The following CPQ variants were observed in gnomAD, a reference collection of about 807,000 sequenced individuals.
CPQ encodes the protein Ser-Met dipeptidase.
Under a neutral mutation model 45.7 loss-of-function variants are expected in CPQ, and 37 were observed. That is an observed-to-expected ratio of 0.81 (90% confidence interval 0.62 to 1.07). The LOEUF is 1.07. CPQ is among the 50% of genes least tolerant of loss of function. The probability of loss-of-function intolerance (pLI) is 0.00; values close to 1 mark genes in which losing one functional copy is unlikely to be tolerated. For missense variants in CPQ, 537 were observed against 572.9 expected, an observed-to-expected ratio of 0.94 and a Z score of 0.64; for synonymous variants, 186 against 205.8, an observed-to-expected ratio of 0.90 and a Z score of 0.82.
At chr8:96,817,873 C>A (rs1486177671) in intron 2 of CPQ, among the ~76,000 whole-genome samples, 1 of 152,030 alleles carries the variant, frequency 6.6e-6, no homozygotes, top group African/African-American at 2.4e-5. Context: ...CCTTGGCTTC[C>A]CAAATTGCTG....
At chr8:96,732,735 G>C (rs1324054711) in intron 1 of CPQ, among the ~76,000 whole-genome samples, 4 of 152,218 alleles carry the variant, frequency 2.6e-5, no homozygotes, top group South Asian at 2.1e-4. Context: ...TGTCTATACT[G>C]CTGCCTCTTT....
rs1182362136 is a variant in CPQ at position 97,123,177 on chromosome 8, T to TATAAA, written c.1256-19816_1256-19812dup. On this transcript the variant is annotated intron_variant, in intron 7 of 7. Coordinates refer to ENST00000220763, the MANE Select transcript of CPQ (RefSeq NM_016134.4). ...TAAAATAAAATAAAATAAAATAAAA[T>TATAAA]ATAAAATAAAATAAAATAAAATAAA... Among the ~76,000 whole-genome samples the TATAAA allele has an allele frequency of 3.2e-3, 77 of 23,748 alleles. 2 individuals carry two copies. The highest frequency in any genetic ancestry group is 4.5e-3 in the Non-Finnish European group (55 of 12,250). 15.6% of individuals were successfully genotyped at this position (23,748 alleles called of 152,430 possible).
At chr8:96,874,610 T>C (rs1321220567) in intron 3 of CPQ, among the ~76,000 whole-genome samples, 1 of 151,868 alleles carries the variant, frequency 6.6e-6, no homozygotes, top group Non-Finnish European at 1.5e-5. Flanking sequence ...CTTTTTTGAC[T>C]AGCTTCTTTC....
chr8:97,116,204 T>C (rs1438671054), intron 7 of CPQ, among the ~76,000 whole-genome samples: 1 of 152,210 alleles, frequency 6.6e-6, no homozygotes, highest in Non-Finnish European at 1.5e-5. Context: ...TTACAGGTTA[T>C]TGGTGGCCTG....
intron 6 of CPQ, 126 bp from the exon 7 acceptor site, chr8:97,065,883 C>T: frequency 3.5e-6 from 3 of 864,330 alleles, no homozygotes; most frequent in Non-Finnish European, 5.5e-6. Context: ...TTAAGTCAGG[C>T]ACAGCAACAT....
chr8:96,830,895 AAAT>A (rs1356163477), intron 2 of CPQ, among the ~76,000 whole-genome samples: 1 of 152,184 alleles, frequency 6.6e-6, no homozygotes, highest in African/African-American at 2.4e-5. Context: ...TACATTTGTG[AAAT>A]AATATAACAA....
At chr8:96,905,237 C>A (rs764546826) in intron 4 of CPQ, among the ~76,000 whole-genome samples, 1 of 152,084 alleles carries the variant, frequency 6.6e-6, no homozygotes, top group Non-Finnish European at 1.5e-5. Flanking sequence ...CACTCACTAT[C>A]ATGAGAATAA....
intron 5 of CPQ, among the ~76,000 whole-genome samples, chr8:97,023,884 T>C (rs1408215340): frequency 6.6e-6 from 1 of 152,216 alleles, no homozygotes; most frequent in Non-Finnish European, 1.5e-5. Flanking sequence ...CATAGCTGGA[T>C]CTGTCTGTGA....
chr8:97,142,926 T>A, intron 7 of CPQ, 94 bp from the exon 8 acceptor site: 2 of 1,213,048 alleles, frequency 1.6e-6, no homozygotes, highest in Non-Finnish European at 1.2e-6. Context: ...GCAGACTGTA[T>A]AATAGGAGCA....
intron 1 of CPQ, among the ~76,000 whole-genome samples, chr8:96,717,832 C>G (rs547414262): frequency 1.9e-4 from 29 of 152,304 alleles, no homozygotes; most frequent in Middle Eastern, 6.8e-3. Flanking sequence ...TCTCTAGCTG[C>G]TGGGGTAATG....
At chr8:96,902,245 T>G (rs1002650540) in intron 4 of CPQ, among the ~76,000 whole-genome samples, 2 of 152,196 alleles carry the variant, frequency 1.3e-5, no homozygotes, top group Non-Finnish European at 2.9e-5. Context: ...ATTTTATATA[T>G]GTAAGTCGTA....
chr8:96,893,021 A>G (rs183170665), intron 4 of CPQ, among the ~76,000 whole-genome samples: 2 of 152,342 alleles, frequency 1.3e-5, no homozygotes, highest in East Asian at 3.9e-4. Flanking sequence ...CTCATACATT[A>G]TCTCCTTTAA....
intron 5 of CPQ, among the ~76,000 whole-genome samples, chr8:96,972,771 C>T (rs1813701091): frequency 6.6e-6 from 1 of 152,104 alleles, no homozygotes. Flanking sequence ...GTGGCTAGAC[C>T]CAGAAGAGCA....
chr8:97,075,468 T>G (rs964655802), intron 7 of CPQ, among the ~76,000 whole-genome samples: 1 of 152,170 alleles, frequency 6.6e-6, no homozygotes, highest in African/African-American at 2.4e-5. Context: ...AAAAATGAGA[T>G]ATGGACCCTT....
At chr8:97,042,229 G>C (rs1017631284) in intron 6 of CPQ, among the ~76,000 whole-genome samples, 6 of 147,284 alleles carry the variant, frequency 4.1e-5, no homozygotes, top group South Asian at 2.2e-4. Context: ...TGTATGTGTC[G>C]AGGAATTTAT....
intron 1 of CPQ, among the ~76,000 whole-genome samples, chr8:96,646,766 A>G (rs1331558032): frequency 1.3e-5 from 2 of 152,222 alleles, no homozygotes; most frequent in African/African-American, 4.8e-5. Context: ...TATCAGGGTT[A>G]GAAGGTGAAA....
chr8:96,973,743 A>G (rs1037886562), intron 5 of CPQ, among the ~76,000 whole-genome samples: 1 of 152,244 alleles, frequency 6.6e-6, no homozygotes. Context: ...AACAATTATC[A>G]GCCAAGAATT....
At chr8:97,134,453 AG>A (rs1361108728) in intron 7 of CPQ, among the ~76,000 whole-genome samples, 6 of 152,346 alleles carry the variant, frequency 3.9e-5, no homozygotes, top group African/African-American at 1.4e-4. Context: ...AGGCCTGCAG[AG>A]TGTGGCCCGG....
intron 1 of CPQ, among the ~76,000 whole-genome samples, chr8:96,697,103 G>GCT (rs1221010075): frequency 6.6e-6 from 1 of 152,076 alleles, no homozygotes; most frequent in Non-Finnish European, 1.5e-5. Context: ...TCTCCCTAAT[G>GCT]AACACTGATG....
Sources: allele counts gnomAD v4.1 joint callset (sites outside exome capture counted in the v4.1 genomes callset), GRCh38; gene constraint gnomAD v4.1.1; transcripts MANE v1.5; gene names NCBI Gene and HGNC (gene_info 2026-07-23, HGNC 2026-07-21).